Variants in MCTP1 observed in about 807,000 individuals in gnomAD.
MCTP1 encodes the protein multiple C2 and transmembrane domain-containing protein 1.
A neutral mutation model predicts 120.6 loss-of-function variants in MCTP1; 69 were observed. The observed-to-expected ratio is 0.57, with a 90% CI of 0.47 to 0.70. The LOEUF (loss-of-function observed/expected upper bound fraction) is 0.70. Among genes scored for constraint, MCTP1 ranks in the 30% least tolerant of loss-of-function variants. The pLI, the probability that MCTP1 is intolerant of heterozygous loss-of-function variation, is 0.00. For missense variants in MCTP1, 1,203 were observed against 1,248.8 expected (o/e 0.96, Z 0.55); for synonymous variants, 529 against 493.1 (o/e 1.07, Z -0.96).
intron 1 of MCTP1, among the ~76,000 whole-genome samples, chr5:95,028,612 C>T (rs1223933278): frequency 1.3e-5 from 2 of 152,206 alleles, no homozygotes; most frequent in Admixed American, 1.3e-4. Context: ...TCCGCCTACA[C>T]ATACAGTATA....
intron 2 of MCTP1, among the ~76,000 whole-genome samples, chr5:94,965,339 G>C (rs1825330605): frequency 1.3e-5 from 2 of 152,120 alleles, no homozygotes; most frequent in Admixed American, 1.3e-4. Flanking sequence ...CCTTACAGGA[G>C]AGCTCTGAAC....
intron 17 of MCTP1, among the ~76,000 whole-genome samples, chr5:94,827,236 T>C (rs1417884154): frequency 6.6e-6 from 1 of 152,194 alleles, no homozygotes; most frequent in East Asian, 1.9e-4. Flanking sequence ...GAAGCTAAGT[T>C]TGGCTGGATA....
chr5:94,853,321 G>A (rs1794113891), intron 17 of MCTP1, among the ~76,000 whole-genome samples: 2 of 151,934 alleles, frequency 1.3e-5, no homozygotes, highest in Admixed American at 1.3e-4. Context: ...GCATTAGAAA[G>A]GACTCTCCTG....
At chr5:95,224,508 T>A (rs926243052) in intron 1 of MCTP1, among the ~76,000 whole-genome samples, 1 of 4,562 alleles carries the variant, frequency 2.2e-4, no homozygotes. Flanking sequence ...CAGACTGTCT[T>A]TTTTTTTTTT....
chr5:94,923,048 A>G (rs1458331210), intron 7 of MCTP1, among the ~76,000 whole-genome samples: 6 of 151,480 alleles, frequency 4.0e-5, no homozygotes, highest in Non-Finnish European at 7.4e-5. Flanking sequence ...GCTGGTAAGG[A>G]TGAATAAATG....
intron 1 of MCTP1, among the ~76,000 whole-genome samples, chr5:95,181,663 T>C (rs1286434181): frequency 1.3e-5 from 2 of 152,054 alleles, no homozygotes; most frequent in Non-Finnish European, 2.9e-5. Flanking sequence ...TGGGGTTCAG[T>C]TACAACATTT....
chr5:95,097,715 C>T (rs1756377735), intron 1 of MCTP1, among the ~76,000 whole-genome samples: 1 of 152,148 alleles, frequency 6.6e-6, no homozygotes, highest in South Asian at 2.1e-4. Context: ...TTCCGGGAAT[C>T]CAGGTAGCCT....
chr5:94,875,414 T>C (rs556963144), intron 12 of MCTP1, among the ~76,000 whole-genome samples: 54 of 152,098 alleles, frequency 3.6e-4, no homozygotes, highest in Middle Eastern at 3.4e-3. Flanking sequence ...TGGTAGTAGG[T>C]GACACAGACA....
chr5:95,101,868 A>G (rs541945882), intron 1 of MCTP1, among the ~76,000 whole-genome samples: 1 of 152,302 alleles, frequency 6.6e-6, no homozygotes, highest in African/African-American at 2.4e-5. Context: ...GTGCTTTCCA[A>G]TATCCAGGTG....
chr5:94,887,364 A>G (rs1801572202), intron 12 of MCTP1, among the ~76,000 whole-genome samples: 1 of 152,134 alleles, frequency 6.6e-6, no homozygotes, highest in South Asian at 2.1e-4. Context: ...ACACAGGCCA[A>G]CTGGGTTAAT....
chr5:95,175,446 C>T (rs567670611), intron 1 of MCTP1, among the ~76,000 whole-genome samples: 9 of 152,270 alleles, frequency 5.9e-5, no homozygotes, highest in African/African-American at 2.2e-4. Flanking sequence ...ACATTGGTAC[C>T]CTTTCCCTCT....
intron 1 of MCTP1, among the ~76,000 whole-genome samples, chr5:95,144,524 T>A (rs1760212799): frequency 1.3e-5 from 2 of 152,220 alleles, no homozygotes; most frequent in Non-Finnish European, 2.9e-5. Flanking sequence ...TTTTTTACAG[T>A]TTGAGGTCTT....
chr5:94,711,121 G>T (rs1431055673), intron 20 of MCTP1, among the ~76,000 whole-genome samples, 194 bp from the exon 21 acceptor site: 1 of 152,110 alleles, frequency 6.6e-6, no homozygotes, highest in Admixed American at 6.6e-5. Context: ...CCCAAGTAAA[G>T]AGTCTTGCTG....
chr5:95,277,975 C>T (rs1028315732), intron 1 of MCTP1, among the ~76,000 whole-genome samples: 2 of 151,646 alleles, frequency 1.3e-5, no homozygotes, highest in Middle Eastern at 3.2e-3. Context: ...GTTACAAATA[C>T]AGTTTTCCAT....
intron 7 of MCTP1, among the ~76,000 whole-genome samples, chr5:94,923,333 G>A (rs944118758): frequency 7.2e-5 from 11 of 152,002 alleles, no homozygotes; most frequent in Non-Finnish European, 1.3e-4. Flanking sequence ...GTAATAAATT[G>A]TGCTGTGCAT....
chr5:94,773,206 C>CAGAATAGATAATA (rs1774486691), intron 19 of MCTP1, among the ~76,000 whole-genome samples: 1 of 152,062 alleles, frequency 6.6e-6, no homozygotes, highest in East Asian at 1.9e-4. Context: ...CATCCCTCAC[C>CAGAATAGATAATA]CCAGATCAGA....
At chr5:94,966,561 C>T (rs1157593513) in intron 2 of MCTP1, among the ~76,000 whole-genome samples, 1 of 151,944 alleles carries the variant, frequency 6.6e-6, no homozygotes, top group Admixed American at 6.6e-5. Flanking sequence ...TTTGGGAAGC[C>T]GAGGCAGGGG....
At chr5:95,184,744 T>C (rs951191498) in intron 1 of MCTP1, among the ~76,000 whole-genome samples, 6 of 152,306 alleles carry the variant, frequency 3.9e-5, no homozygotes, top group African/African-American at 1.4e-4. Flanking sequence ...AACATCACTA[T>C]TGTAAAACCT....
chr5:95,145,870 C>A (rs764894484), intron 1 of MCTP1, among the ~76,000 whole-genome samples: 2 of 152,060 alleles, frequency 1.3e-5, no homozygotes, highest in Admixed American at 6.6e-5. Context: ...GCATCTCTGC[C>A]AGATTTTGAT....
Sources: allele counts gnomAD v4.1 joint callset (sites outside exome capture counted in the v4.1 genomes callset), GRCh38; gene constraint gnomAD v4.1.1; transcripts MANE v1.5; gene names NCBI Gene and HGNC (gene_info 2026-07-23, HGNC 2026-07-21).